Variants in NRXN3 observed in about 807,000 individuals in gnomAD.
NRXN3 encodes neurexin 3, also known as neurexin III.
A neutral mutation model predicts 137.6 loss-of-function variants in NRXN3; 32 were observed. The ratio of observed to expected loss-of-function variants is 0.23; its 90% confidence interval spans 0.18 to 0.31. The LOEUF (loss-of-function observed/expected upper bound fraction) is 0.31, where lower values mean the gene tolerates loss of function less well. NRXN3 is among the 10% of genes least tolerant of loss of function. NRXN3 has a pLI of 1.00. For synonymous variants in NRXN3, 798 were observed against 784.5 expected (o/e 1.02, Z -0.29); for missense variants, 1,574 against 2,062.5 (o/e 0.76, Z 4.59).
chr14:78,212,793 G>C (rs1387685280), intron 1 of NRXN3, among the ~76,000 whole-genome samples: 1 of 152,146 alleles, frequency 6.6e-6, no homozygotes. Flanking sequence ...AAGTCCCCTG[G>C]TAGCAGTTTT....
intron 9 of NRXN3, 42 bp from the exon 10 acceptor site, chr14:78,810,275 TG>T: frequency 1.5e-6 from 2 of 1,343,408 alleles, no homozygotes; most frequent in Non-Finnish European, 2.1e-6. Flanking sequence ...GCTGTTACCT[TG>T]AAGGATGCAA....
At chr14:79,637,605 A>G (rs1319536169) in intron 16 of NRXN3, among the ~76,000 whole-genome samples, 2 of 152,118 alleles carry the variant, frequency 1.3e-5, no homozygotes, top group Non-Finnish European at 2.9e-5. Flanking sequence ...CTCATCAAGA[A>G]AATCAGCTGA....
rs143519887 is a variant in NRXN3, at chr14:79,861,697, G to A, written c.4449G>A (p.Pro1483=). Residue 1483 remains proline, a synonymous_variant, in exon 21 of 21, where the codon CCG becomes CCA. Coordinates refer to ENST00000335750, the MANE Select transcript of NRXN3 (RefSeq NM_001330195.2). This position sits in a 1 kb window ranked among gnomAD's most constrained non-coding sequence, Gnocchi z 5.4. ...NPTEPGIRRV[P]GASEVIRESS... The stretch of plus-strand genomic sequence containing the variant: ...CGGAGCCGGGAATCAGACGGGTTCC[G>A]GGGGCCTCAGAGGTGATCCGGGAGT... The A allele has an allele frequency of 5.6e-6, 9 of 1,614,008 alleles. No homozygotes were observed. The highest frequency in any genetic ancestry group is 4.5e-5 in the East Asian group (2 of 44,874).
chr14:79,719,928 C>T, intron 19 of NRXN3, among the ~76,000 whole-genome samples: 2 of 152,072 alleles, frequency 1.3e-5, no homozygotes, highest in East Asian at 3.9e-4. Context: ...TGCATAGTGA[C>T]CTTTCAATAA....
intron 15 of NRXN3, among the ~76,000 whole-genome samples, chr14:79,407,577 G>C (rs1171141602): frequency 6.6e-6 from 1 of 152,118 alleles, no homozygotes; most frequent in Non-Finnish European, 1.5e-5. Flanking sequence ...AAGGCTTTTA[G>C]CTTAAATGGG....
chr14:79,156,291 C>A (rs1469213555), intron 15 of NRXN3, among the ~76,000 whole-genome samples: 1 of 151,848 alleles, frequency 6.6e-6, no homozygotes, highest in African/African-American at 2.4e-5. Context: ...GTCAGGCAAT[C>A]TGATCTGGCA....
At chr14:79,402,583 A>C (rs2153495252) in intron 15 of NRXN3, among the ~76,000 whole-genome samples, 1 of 152,340 alleles carries the variant, frequency 6.6e-6, no homozygotes, top group South Asian at 2.1e-4. Context: ...CAGGCCCAGA[A>C]GAAATTCCCC....
chr14:78,956,496 A>C (rs777204380), intron 10 of NRXN3, among the ~76,000 whole-genome samples: 4 of 152,036 alleles, frequency 2.6e-5, no homozygotes, highest in African/African-American at 9.7e-5. Flanking sequence ...TTATTCCTCT[A>C]TTTAGTGGCA....
At chr14:79,069,784 C>T (rs116112476) in intron 15 of NRXN3, among the ~76,000 whole-genome samples, 1,931 of 152,136 alleles carry the variant, frequency 0.013, 33 homozygotes, top group South Asian at 0.038. Context: ...TGCTATTTTG[C>T]TTGCAGCCCA....
intron 15 of NRXN3, among the ~76,000 whole-genome samples, chr14:79,156,412 T>C (rs950127178): frequency 2.6e-5 from 4 of 151,810 alleles, no homozygotes; most frequent in Admixed American, 6.6e-5. Flanking sequence ...ATGGTCTATG[T>C]CACAAATTAA....
Position 78,697,535 on chromosome 14 carries a change from A to T in NRXN3, c.1222-11682A>T, listed in dbSNP as rs1476187872. 3.3e-5 allele frequency among the ~76,000 whole-genome samples: 5 copies of T among 151,870 alleles called. 1 individual carries two copies. The highest frequency in any genetic ancestry group is 1.2e-4 in the African/African-American group (5 of 41,302). Reference sequence around the variant, plus strand: ...TGGTAGTGAAATTCATTTCAGGTTGATTTTGCATGGCATAAGGGACATCTA... The same window carrying T: ...TGGTAGTGAAATTCATTTCAGGTTGTTTTTGCATGGCATAAGGGACATCTA... On this transcript the variant is annotated intron_variant, in intron 6 of 20. Coordinates refer to ENST00000335750, the MANE Select transcript of NRXN3 (RefSeq NM_001330195.2).
In NRXN3 at chr14:78,785,417, C is replaced by A. The variant is rs142194590; in HGVS notation, c.2045-18203C>A. Among the ~76,000 whole-genome samples the A allele has an allele frequency of 7.6e-4, 116 of 152,296 alleles. No individual in the cohort carries two copies. The East Asian group carries it at 0.019, about 25-fold the overall frequency. On this transcript the variant is annotated intron_variant, in intron 8 of 20. Transcript: ENST00000335750. Reference sequence around the variant, plus strand: ...AGCGCTATTCTTGGCCCACTCATTTCTAAGTTTTAGCAATATTTCTCAGGC... The same window carrying A: ...AGCGCTATTCTTGGCCCACTCATTTATAAGTTTTAGCAATATTTCTCAGGC...
At position 78,187,265 on chromosome 14, in the gene NRXN3, GTTT is replaced by G. The variant is rs34593677; in HGVS notation, c.-704+16604_-704+16606del. 4.1e-4 allele frequency among the ~76,000 whole-genome samples: 60 copies of G among 145,504 alleles called. No individual in the cohort carries two copies. In the East Asian group the frequency reaches 5.0e-3, roughly 12 times the overall value. ...AGAGATGTTTTGGTGGTGTGTGTGT[GTTT>G]TTTTTTTTTTTTCCTCAAAGCTTGC... On this transcript the variant is annotated intron_variant, in intron 1 of 20. Coordinates refer to ENST00000335750, the MANE Select transcript of NRXN3 (RefSeq NM_001330195.2).
chr14:78,427,334 T>G (rs561179317), intron 4 of NRXN3, among the ~76,000 whole-genome samples: 1 of 152,188 alleles, frequency 6.6e-6, no homozygotes, highest in Non-Finnish European at 1.5e-5. Context: ...GTGTTTGTTA[T>G]GAGCCAAACC....
chr14:78,773,676 G>A (rs1486308751), intron 8 of NRXN3, among the ~76,000 whole-genome samples: 2 of 151,986 alleles, frequency 1.3e-5, no homozygotes, highest in South Asian at 2.1e-4. Flanking sequence ...ATTATTGCTC[G>A]ACACCCTTCC....
intron 15 of NRXN3, among the ~76,000 whole-genome samples, chr14:79,260,801 C>G (rs993623728): frequency 6.6e-6 from 1 of 152,184 alleles, no homozygotes; most frequent in Non-Finnish European, 1.5e-5. Flanking sequence ...CAAACACCTA[C>G]TAACCCAGAA....
At chr14:79,189,400 G>T (rs537946369) in intron 15 of NRXN3, among the ~76,000 whole-genome samples, 1 of 114,900 alleles carries the variant, frequency 8.7e-6, no homozygotes, top group Non-Finnish European at 1.7e-5. Flanking sequence ...GGTGGGGGGA[G>T]GGGGGAGGGA....
rs539105088 is a variant in NRXN3 at position 79,553,621 on chromosome 14, G to A, written c.3444+86219G>A. Among the ~76,000 whole-genome samples, 11 of 152,266 alleles carry A rather than the reference G, an allele frequency of 7.2e-5. No individual in the cohort carries two copies. The South Asian group carries it at 2.3e-3, about 32-fold the overall frequency. ...ATTTGAGAGTTAGCACATACAGGTGGCACAGGTGGTATCTGCACAGAAGGA... is the reference window on the plus strand; with the variant it reads ...ATTTGAGAGTTAGCACATACAGGTGACACAGGTGGTATCTGCACAGAAGGA... On this transcript the variant is annotated intron_variant, in intron 16 of 20. Transcript: ENST00000335750.
chr14:79,752,807 A>G (rs1467069973), intron 19 of NRXN3, among the ~76,000 whole-genome samples: 4 of 150,740 alleles, frequency 2.7e-5, no homozygotes, highest in East Asian at 2.0e-4. Context: ...GAAAATTTTC[A>G]CAACCTACTC....
Sources: allele counts gnomAD v4.1 joint callset (sites outside exome capture counted in the v4.1 genomes callset), GRCh38; gene constraint gnomAD v4.1.1; non-coding constraint Gnocchi (gnomAD v3.1); transcripts MANE v1.5; gene names NCBI Gene and HGNC (gene_info 2026-07-23, HGNC 2026-07-21).